ITSN2: variants seen among roughly 807,000 people sequenced by gnomAD.
ITSN2 encodes the protein intersectin 2.
In ITSN2, 156 loss-of-function variants were observed where a neutral mutation model predicts 243.7. The ratio of observed to expected loss-of-function variants is 0.64; its 90% CI spans 0.56 to 0.73. ITSN2 has a LOEUF of 0.73. ITSN2 is among the 30% of genes least tolerant of loss of function. The pLI is 0.00. For missense variants in ITSN2, 1,801 were observed against 1,996.1 expected, an observed-to-expected ratio of 0.90 and a Z score of 1.86; for synonymous variants, 703 against 699.9, an observed-to-expected ratio of 1.00 and a Z score of -0.07.
At chr2:24,220,402 C>A (rs2543662) in intron 30 of ITSN2, 709,655 of 983,806 alleles carry the variant, frequency 0.72, 256,942 homozygotes, top group East Asian at 0.84. Flanking sequence ...CTGTCATCAG[C>A]GTAGAGGTCA....
At chr2:24,244,324 G>A (rs1338996479) in intron 29 of ITSN2, among the ~76,000 whole-genome samples, 1 of 152,128 alleles carries the variant, frequency 6.6e-6, no homozygotes, top group Non-Finnish European at 1.5e-5. Flanking sequence ...TCTGCAGAGG[G>A]GAAACTGAAA....
chr2:24,236,637 C>G (rs1672181280), intron 29 of ITSN2, among the ~76,000 whole-genome samples: 1 of 150,966 alleles, frequency 6.6e-6, no homozygotes, highest in African/African-American at 2.4e-5. Flanking sequence ...TAGAGAAAAG[C>G]CTGTGCAATC....
intron 1 of ITSN2, among the ~76,000 whole-genome samples, chr2:24,331,065 C>T (rs1685730727): frequency 6.9e-6 from 1 of 144,100 alleles, no homozygotes; most frequent in Non-Finnish European, 1.5e-5. Context: ...CTGCACCCGG[C>T]CACTTTTTTT....
chr2:24,279,311 C>T (rs1272937271), intron 17 of ITSN2, among the ~76,000 whole-genome samples: 1 of 152,166 alleles, frequency 6.6e-6, no homozygotes, highest in Non-Finnish European at 1.5e-5. Context: ...CTACCATTAA[C>T]AGATTCTACT....
chr2:24,284,508 G>C (rs568081906), intron 17 of ITSN2, among the ~76,000 whole-genome samples: 93 of 152,274 alleles, frequency 6.1e-4, no homozygotes, highest in African/African-American at 2.2e-3. Flanking sequence ...AAAGGAACCA[G>C]GTTATATTTC....
At chr2:24,342,040 C>T (rs909393483) in intron 1 of ITSN2, among the ~76,000 whole-genome samples, 4 of 152,114 alleles carry the variant, frequency 2.6e-5, no homozygotes, top group Non-Finnish European at 4.4e-5. Flanking sequence ...AAGTAGTAGA[C>T]AGCTCTAGAA....
At chr2:24,351,462 T>C (rs1229431215) in intron 1 of ITSN2, among the ~76,000 whole-genome samples, 1 of 152,224 alleles carries the variant, frequency 6.6e-6, no homozygotes, top group Non-Finnish European at 1.5e-5. Context: ...AAGTACTTCC[T>C]AGCTTTGTGG....
intron 1 of ITSN2, among the ~76,000 whole-genome samples, chr2:24,337,497 C>T (rs1221343615): frequency 3.4e-5 from 5 of 148,068 alleles, no homozygotes; most frequent in Admixed American, 6.7e-5. Flanking sequence ...ATTACAGGCG[C>T]GCACCACCAT....
At chr2:24,332,576 T>C (rs1442509014) in intron 1 of ITSN2, among the ~76,000 whole-genome samples, 1 of 152,248 alleles carries the variant, frequency 6.6e-6, no homozygotes, top group Non-Finnish European at 1.5e-5. Context: ...AACATTTATA[T>C]TGTATGTAAC....
intron 34 of ITSN2, chr2:24,210,439 C>T (rs1225287345): frequency 1.0e-5 from 3 of 286,234 alleles, no homozygotes; most frequent in Non-Finnish European, 2.0e-5. Flanking sequence ...TGGTGAAACC[C>T]CAGCTCTACT....
At chr2:24,298,289 C>T (rs1455833944) in intron 13 of ITSN2, among the ~76,000 whole-genome samples, 1 of 152,178 alleles carries the variant, frequency 6.6e-6, no homozygotes, top group Non-Finnish European at 1.5e-5. Flanking sequence ...TCCCAAGTAG[C>T]TGGGACTACA....
intron 29 of ITSN2, among the ~76,000 whole-genome samples, chr2:24,232,804 A>G (rs892175666): frequency 6.6e-6 from 1 of 152,172 alleles, no homozygotes; most frequent in African/African-American, 2.4e-5. Context: ...ATACTTTCCA[A>G]TGGCAGGCCA....
intron 29 of ITSN2, chr2:24,240,989 G>A (rs1672666098): frequency 6.6e-6 from 1 of 152,078 alleles, no homozygotes; most frequent in South Asian, 2.1e-4. Context: ...CAATATGGTT[G>A]AAGAACAGGT....
intron 1 of ITSN2, among the ~76,000 whole-genome samples, chr2:24,357,257 A>G (rs2151958798): frequency 6.6e-6 from 1 of 152,384 alleles, no homozygotes; most frequent in Non-Finnish European, 1.5e-5. Flanking sequence ...CTGGATAAAG[A>G]AAATGTGATA....
chr2:24,338,433 C>A (rs1230817765), intron 1 of ITSN2, among the ~76,000 whole-genome samples: 2 of 152,200 alleles, frequency 1.3e-5, no homozygotes, highest in East Asian at 3.8e-4. Context: ...ACCCTGACCA[C>A]CTTGGGCACA....
intron 29 of ITSN2, among the ~76,000 whole-genome samples, chr2:24,232,651 T>G (rs1238311558): frequency 6.6e-6 from 1 of 152,226 alleles, no homozygotes; most frequent in Non-Finnish European, 1.5e-5. Context: ...TTTCAAACCC[T>G]GATCAATCCT....
rs772552778 is a variant in ITSN2, at chr2:24,205,273, A to G, written c.4703T>C (p.Ile1568Thr). 2 of 1,613,248 alleles carry G rather than the reference A, an allele frequency of 1.2e-6. No homozygotes were observed. Among genetic ancestry groups the G allele is most frequent in the South Asian group, 1.1e-5 (1 of 91,054 alleles). ...AATGACATGCACCATCAGGCGCCCAATGCCTGAAGTCTTTTGGGAGCGGGC... is the reference window on the plus strand; with the variant it reads ...AATGACATGCACCATCAGGCGCCCAGTGCCTGAAGTCTTTTGGGAGCGGGC... ...YQARSQKTSGIGRLMVHVIEA... is the reference protein window; with the variant it reads ...YQARSQKTSGTGRLMVHVIEA... Residue 1568 changes from isoleucine to threonine, a missense_variant, in exon 38 of 40, where the codon ATT becomes ACT. This residue lies in a region of ITSN2 where 928 missense variants were observed against 1,065.4 expected (regional missense o/e 0.87). Coordinates refer to ENST00000355123, the MANE Select transcript of ITSN2 (RefSeq NM_006277.3).
chr2:24,327,580 G>A (rs1558634900), intron 2 of ITSN2, among the ~76,000 whole-genome samples: 2 of 152,014 alleles, frequency 1.3e-5, no homozygotes, highest in Non-Finnish European at 1.5e-5. Flanking sequence ...TTACAGGCAT[G>A]AGCCACCACA....
intron 29 of ITSN2, among the ~76,000 whole-genome samples, chr2:24,243,909 C>G (rs1673035808): frequency 6.6e-6 from 1 of 152,104 alleles, no homozygotes; most frequent in African/African-American, 2.4e-5. Context: ...AGCCACACTC[C>G]AAATAATCAA....
Sources: gnomAD v4.1 joint callset for allele counts (sites outside exome capture counted in the v4.1 genomes callset) on GRCh38, gnomAD v4.1.1 for gene constraint, gnomAD v4.1.1 regional missense constraint, MANE v1.5 for transcripts, NCBI Gene and HGNC (gene_info 2026-07-23, HGNC 2026-07-21) for gene names.